CNTNAP4: variants seen among roughly 807,000 people sequenced by gnomAD.
CNTNAP4 encodes the protein contactin associated protein family member 4.
CNTNAP4 carries 98 observed loss-of-function variants against 148.4 expected under a neutral mutation model. That is an observed-to-expected ratio of 0.66 (90% CI 0.56 to 0.78). CNTNAP4 has a LOEUF of 0.78. Among genes scored for constraint, CNTNAP4 ranks in the 30% least tolerant of loss-of-function variants. The pLI, the probability that CNTNAP4 is intolerant of heterozygous loss-of-function variation, is 0.00. For synonymous variants in CNTNAP4, 730 were observed against 565.1 expected, an observed-to-expected ratio of 1.29 and a Z score of -4.14; for missense variants, 1,935 against 1,565.6, an observed-to-expected ratio of 1.24 and a Z score of -3.98.
intron 3 of CNTNAP4, among the ~76,000 whole-genome samples, chr16:76,396,508 G>C (rs932535906): frequency 1.3e-5 from 2 of 152,142 alleles, no homozygotes; most frequent in East Asian, 3.9e-4. Context: ...TCACTTTGCT[G>C]GTTTAGACAT....
chr16:76,374,227 A>C (rs1279418276), intron 3 of CNTNAP4, among the ~76,000 whole-genome samples: 1 of 152,192 alleles, frequency 6.6e-6, no homozygotes, highest in Non-Finnish European at 1.5e-5. Flanking sequence ...GGGGGCAATC[A>C]CTTTATTACA....
chr16:76,485,358 C>T (rs1329948616), intron 12 of CNTNAP4, among the ~76,000 whole-genome samples: 1 of 151,968 alleles, frequency 6.6e-6, no homozygotes, highest in South Asian at 2.1e-4. Flanking sequence ...CTTAGGTGAT[C>T]CGCCTGCCTC....
intron 4 of CNTNAP4, among the ~76,000 whole-genome samples, chr16:76,434,204 T>A (rs2079728025): frequency 6.6e-6 from 1 of 151,406 alleles, no homozygotes; most frequent in Non-Finnish European, 1.5e-5. Context: ...TATTAAGTAG[T>A]TTACTGAGTA....
chr16:76,372,163 G>A (rs548742125), intron 3 of CNTNAP4, among the ~76,000 whole-genome samples: 1 of 134,312 alleles, frequency 7.4e-6, no homozygotes, highest in South Asian at 2.3e-4. Flanking sequence ...TTTTTGAGAC[G>A]GAGTCCCACT....
rs988915432 is a variant in CNTNAP4 at position 76,362,415 on chromosome 16, A to T, written c.390+6904A>T. Among the ~76,000 whole-genome samples the T allele has an allele frequency of 5.3e-5, 8 of 152,350 alleles. No individual in the cohort carries two copies. The East Asian group carries it at 1.3e-3, about 26-fold the overall frequency. On this transcript the variant is annotated intron_variant, in intron 3 of 23. Coordinates refer to ENST00000611870, the MANE Select transcript of CNTNAP4 (RefSeq NM_033401.5). ...ATAGAAAAAATATCCTAAGATTTATATAAAACCAGAAATTTAGGTAGAACC... is the reference window on the plus strand; with the variant it reads ...ATAGAAAAAATATCCTAAGATTTATTTAAAACCAGAAATTTAGGTAGAACC...
chr16:76,556,605 A>G (rs192199527), intron 23 of CNTNAP4, among the ~76,000 whole-genome samples: 2 of 152,322 alleles, frequency 1.3e-5, no homozygotes, highest in East Asian at 3.9e-4. Flanking sequence ...ATTGTTCAGA[A>G]TCTTTCTCTT....
At chr16:76,316,219 C>T in intron 1 of CNTNAP4, 194 bp from the exon 2 acceptor site, 4 of 606,400 alleles carry the variant, frequency 6.6e-6, no homozygotes, top group South Asian at 2.1e-5. Flanking sequence ...TCATATTCTC[C>T]TGTCTTTAAG....
intron 12 of CNTNAP4, among the ~76,000 whole-genome samples, chr16:76,479,870 A>T (rs933796238): frequency 2.6e-5 from 4 of 152,182 alleles, no homozygotes; most frequent in Non-Finnish European, 5.9e-5. Context: ...ATGTAAACAT[A>T]AAGTTTACGT....
chr16:76,328,707 G>A (rs912455472), intron 2 of CNTNAP4, among the ~76,000 whole-genome samples: 10 of 151,902 alleles, frequency 6.6e-5, no homozygotes, highest in East Asian at 1.9e-4. Flanking sequence ...GTGCATTAGC[G>A]CAATCTTGGC....
intron 1 of CNTNAP4, among the ~76,000 whole-genome samples, chr16:76,289,628 A>T (rs911648807): frequency 3.3e-5 from 5 of 150,390 alleles, no homozygotes; most frequent in Non-Finnish European, 7.4e-5. Context: ...GCTGGATTGC[A>T]GTGGCACAAT....
chr16:76,447,403 C>T (rs533546550), intron 4 of CNTNAP4, among the ~76,000 whole-genome samples: 1 of 149,242 alleles, frequency 6.7e-6, no homozygotes, highest in Admixed American at 6.6e-5. Flanking sequence ...AAATGTATTT[C>T]TAGATCATGA....
chr16:76,313,653 A>G (rs1489165862), intron 1 of CNTNAP4, among the ~76,000 whole-genome samples: 1 of 152,220 alleles, frequency 6.6e-6, no homozygotes, highest in Non-Finnish European at 1.5e-5. Flanking sequence ...AGGTAAGAAT[A>G]AGAAAAAGTA....
At chr16:76,433,307 A>T (rs993614974) in intron 4 of CNTNAP4, among the ~76,000 whole-genome samples, 1 of 152,188 alleles carries the variant, frequency 6.6e-6, no homozygotes, top group African/African-American at 2.4e-5. Flanking sequence ...CTGAGGGAGA[A>T]GATTGGACAT....
intron 4 of CNTNAP4, among the ~76,000 whole-genome samples, chr16:76,442,370 GA>G (rs2080077837): frequency 6.6e-6 from 1 of 152,188 alleles, no homozygotes; most frequent in Admixed American, 6.6e-5. Context: ...GATATATTAA[GA>G]GACTATGTTT....
At chr16:76,339,970 G>A (rs576837396) in intron 2 of CNTNAP4, among the ~76,000 whole-genome samples, 1 of 152,308 alleles carries the variant, frequency 6.6e-6, no homozygotes, top group East Asian at 1.9e-4. Flanking sequence ...TGGAGGGAAG[G>A]AAGTCCTGGC....
rs1294563631 is a variant in CNTNAP4 at position 76,400,459 on chromosome 16, C to T, written c.391-26993C>T. Among the ~76,000 whole-genome samples, 4 of 152,042 alleles carry T rather than the reference C, an allele frequency of 2.6e-5. No homozygotes were observed. The East Asian group carries it at 5.8e-4, about 22-fold the overall frequency. On this transcript the variant is annotated intron_variant, in intron 3 of 23. Transcript: ENST00000611870. ...CTGGATATTAGGCTTCTGTCTGATGCATAGTTTGCACATATTTTCTTCTAT... is the reference window on the plus strand; with the variant it reads ...CTGGATATTAGGCTTCTGTCTGATGTATAGTTTGCACATATTTTCTTCTAT...
At chr16:76,553,252 C>T in intron 21 of CNTNAP4, 31 bp from the exon 22 acceptor site, 1 of 1,410,244 alleles carries the variant, frequency 7.1e-7, no homozygotes, top group Admixed American at 1.8e-5. Context: ...CTTTTCACTA[C>T]TAATATTTCG....
At chr16:76,373,639 A>G (rs1446374029) in intron 3 of CNTNAP4, among the ~76,000 whole-genome samples, 1 of 152,158 alleles carries the variant, frequency 6.6e-6, no homozygotes, top group Non-Finnish European at 1.5e-5. Context: ...TCATGCCTGT[A>G]ATCTCAGCAC....
intron 3 of CNTNAP4, among the ~76,000 whole-genome samples, chr16:76,379,945 CAG>C (rs1219652952): frequency 6.6e-6 from 1 of 152,124 alleles, no homozygotes; most frequent in African/African-American, 2.4e-5. Flanking sequence ...TTCATGACCT[CAG>C]GGTGTGAAGT....
Sources: gnomAD v4.1 joint callset for allele counts (sites outside exome capture counted in the v4.1 genomes callset) on GRCh38, gnomAD v4.1.1 for gene constraint, MANE v1.5 for transcripts, NCBI Gene and HGNC (gene_info 2026-07-23, HGNC 2026-07-21) for gene names.